ZNF148: variants seen among roughly 807,000 people sequenced by gnomAD.
ZNF148 encodes Beta-Enolase Repressor Factor-1.
A neutral mutation model predicts 67.7 loss-of-function variants in ZNF148; 7 were observed. The observed-to-expected ratio is 0.10, with a 90% confidence interval of 0.06 to 0.19. The LOEUF (loss-of-function observed/expected upper bound fraction) is 0.19. ZNF148 is among the 10% of genes least tolerant of loss of function. ZNF148 has a pLI of 1.00. For missense variants in ZNF148, 583 were observed against 947.1 expected, an observed-to-expected ratio of 0.62 and a Z score of 5.05; for synonymous variants, 333 against 330.7, an observed-to-expected ratio of 1.01 and a Z score of -0.08.
At chr3:125,337,017 A>C (rs1036643281) in intron 1 of ZNF148, among the ~76,000 whole-genome samples, 2 of 44,222 alleles carry the variant, frequency 4.5e-5, no homozygotes, top group Non-Finnish European at 1.0e-4. Context: ...CTACTCTCAC[A>C]AAAAAAAAAA....
chr3:125,321,646 T>C (rs780795723), intron 3 of ZNF148, among the ~76,000 whole-genome samples: 5 of 152,110 alleles, frequency 3.3e-5, no homozygotes, highest in Non-Finnish European at 5.9e-5. Flanking sequence ...GAAACAGCTA[T>C]AATTTATCTT....
At chr3:125,293,824 G>A (rs1313286160) in intron 4 of ZNF148, among the ~76,000 whole-genome samples, 1 of 152,148 alleles carries the variant, frequency 6.6e-6, no homozygotes, top group Non-Finnish European at 1.5e-5. Context: ...AAACATCATG[G>A]TAATAACCAT....
intron 3 of ZNF148, among the ~76,000 whole-genome samples, chr3:125,321,492 A>C (rs1317739087): frequency 6.6e-6 from 1 of 152,144 alleles, no homozygotes; most frequent in Non-Finnish European, 1.5e-5. Flanking sequence ...ACCACACTGA[A>C]GCCCCTCTCA....
chr3:125,348,480 CAAAAAAAAAAA>C (rs35810148), intron 1 of ZNF148, among the ~76,000 whole-genome samples: 13 of 60,732 alleles, frequency 2.1e-4, no homozygotes, highest in African/African-American at 9.0e-4. Flanking sequence ...GACCCTGTCT[CAAAAAAAAAAA>C]AAAAAAAAAA....
At chr3:125,347,715 G>C (rs1398862462) in intron 1 of ZNF148, among the ~76,000 whole-genome samples, 2 of 151,798 alleles carry the variant, frequency 1.3e-5, no homozygotes, top group African/African-American at 4.8e-5. Context: ...TCTTTTTATA[G>C]AGGTGGGGTC....
chr3:125,337,666 C>T (rs953265830), intron 1 of ZNF148, among the ~76,000 whole-genome samples: 2 of 152,174 alleles, frequency 1.3e-5, no homozygotes, highest in African/African-American at 2.4e-5. Flanking sequence ...CTTTCACATG[C>T]GACATTTCAT....
chr3:125,271,826 C>T (rs992216151), intron 7 of ZNF148, among the ~76,000 whole-genome samples: 6 of 152,110 alleles, frequency 3.9e-5, no homozygotes, highest in Admixed American at 6.5e-5. Context: ...CTGCCTCCTT[C>T]TGGTTCTTTT....
At chr3:125,279,705 T>C (rs1205551967) in intron 5 of ZNF148, among the ~76,000 whole-genome samples, 1 of 151,134 alleles carries the variant, frequency 6.6e-6, no homozygotes, top group Non-Finnish European at 1.5e-5. Flanking sequence ...ATGACAAAGC[T>C]CTCTATATAC....
chr3:125,232,458 G>A lies in ZNF148; in HGVS notation c.2268C>T (p.Asn756=), dbSNP rs1442802496. 6.2e-7 allele frequency: 1 copy of A among 1,613,610 alleles called. No homozygotes were observed. Among genetic ancestry groups the A allele is most frequent in the East Asian group, 2.2e-5 (1 of 44,868 alleles). The change falls in exon 9 of 9, where the codon AAC becomes AAT. Residue 756 remains asparagine, a synonymous_variant. Coordinates refer to ENST00000360647, the MANE Select transcript of ZNF148 (RefSeq NM_021964.3). This position sits in a 1 kb window ranked among gnomAD's most constrained non-coding sequence, Gnocchi z 4.2. ...TQFSTANGQV[N]LRGPGTSAEF... ...CAGCACTTGTCCCTGGTCCCCGAAG[G>A]TTCACCTGTCCATTGGCAGTGCTAA...
chr3:125,297,941 A>T (rs1043347177), intron 4 of ZNF148, among the ~76,000 whole-genome samples: 1 of 152,206 alleles, frequency 6.6e-6, no homozygotes, highest in Non-Finnish European at 1.5e-5. Flanking sequence ...AATACCAAAC[A>T]TCTAGAAACA....
chr3:125,244,122 A>C (rs1223371804), intron 7 of ZNF148, among the ~76,000 whole-genome samples: 1 of 152,196 alleles, frequency 6.6e-6, no homozygotes, highest in Non-Finnish European at 1.5e-5. Flanking sequence ...CCACAAAATG[A>C]TAATTTTCCC....
chr3:125,238,461 C>G (rs1330973916), intron 7 of ZNF148, among the ~76,000 whole-genome samples: 1 of 151,978 alleles, frequency 6.6e-6, no homozygotes, highest in Non-Finnish European at 1.5e-5. Context: ...AACCCTGTCT[C>G]TACTAAAAAT....
rs964869431 is a variant in ZNF148, at chr3:125,236,514, C to A, written c.668-2185G>T. Among the ~76,000 whole-genome samples, 6 of 151,844 alleles carry A rather than the reference C, an allele frequency of 4.0e-5. No homozygotes were observed. In the South Asian group the frequency reaches 1.3e-3, roughly 32 times the overall value. On this transcript the variant is annotated intron_variant, in intron 7 of 8. Transcript: ENST00000360647. ...AAGCTGAGTAGCAGAGAGATTAAAG[C>A]CAAGGGGAAAAAAATGTTGGGGGTG...
At chr3:125,253,355 C>G (rs1936927892) in intron 7 of ZNF148, among the ~76,000 whole-genome samples, 1 of 152,094 alleles carries the variant, frequency 6.6e-6, no homozygotes, top group Non-Finnish European at 1.5e-5. Context: ...GATGAATTTA[C>G]TATAAATTAT....
chr3:125,309,840 C>CA (rs1270102988), intron 4 of ZNF148, among the ~76,000 whole-genome samples: 4 of 152,168 alleles, frequency 2.6e-5, no homozygotes, highest in African/African-American at 9.7e-5. Flanking sequence ...CCTCATCCAA[C>CA]AAAAACAGAA....
chr3:125,322,012 TTAAA>T (rs1290519649), intron 3 of ZNF148, among the ~76,000 whole-genome samples: 2 of 149,414 alleles, frequency 1.3e-5, no homozygotes, highest in African/African-American at 4.9e-5. Flanking sequence ...AGTTAACTGT[TTAAA>T]TAATCAACGG....
intron 7 of ZNF148, among the ~76,000 whole-genome samples, chr3:125,243,727 C>T (rs909889668): frequency 3.3e-5 from 5 of 152,146 alleles, no homozygotes; most frequent in East Asian, 1.9e-4. Flanking sequence ...GGTCTTGTTA[C>T]GGTGTCCAGA....
intron 4 of ZNF148, among the ~76,000 whole-genome samples, chr3:125,312,272 C>T (rs1160357043): frequency 6.6e-6 from 1 of 152,174 alleles, no homozygotes; most frequent in Non-Finnish European, 1.5e-5. Flanking sequence ...AAAGTTGCTT[C>T]CATATTCAAA....
At chr3:125,314,689 G>A (rs1384178947) in intron 3 of ZNF148, among the ~76,000 whole-genome samples, 1 of 152,100 alleles carries the variant, frequency 6.6e-6, no homozygotes, top group Non-Finnish European at 1.5e-5. Flanking sequence ...TATCAACCTA[G>A]AATATATACA....
Sources: allele counts gnomAD v4.1 joint callset (sites outside exome capture counted in the v4.1 genomes callset), GRCh38; gene constraint gnomAD v4.1.1; non-coding constraint Gnocchi (gnomAD v3.1); transcripts MANE v1.5; gene names NCBI Gene and HGNC (gene_info 2026-07-23, HGNC 2026-07-21).